The following TTN variants were observed in gnomAD, a reference collection of about 807,000 sequenced individuals.
The protein encoded by TTN is titin.
Under a neutral mutation model 3,223.0 loss-of-function variants are expected in TTN, and 1,525 were observed. The observed-to-expected ratio is 0.47, with a 90% confidence interval of 0.45 to 0.49. TTN has a LOEUF of 0.49. Among genes scored for constraint, TTN ranks in the 20% least tolerant of loss-of-function variants. The pLI is 0.00. For synonymous variants in TTN, 14,094 were observed against 15,161.0 expected (o/e 0.93, Z 5.17); for missense variants, 40,786 against 43,424.0 (o/e 0.94, Z 5.40).
Position 178,534,620 on chromosome 2 carries a change from A to T in TTN, c.101995T>A (p.Trp33999Arg). The T allele has an allele frequency of 6.2e-7, 1 of 1,613,780 alleles. No individual in the cohort carries two copies. The highest frequency in any genetic ancestry group is 8.5e-7 in the Non-Finnish European group (1 of 1,179,700). The change falls in exon 358 of 363, where the codon TGG becomes AGG. Residue 33999 changes from tryptophan to arginine, a missense_variant. By Grantham distance (101) the Trp-to-Arg change is moderately radical. Coordinates refer to ENST00000589042, the MANE Select transcript of TTN (RefSeq NM_001267550.2). ...ACATATACCAGTGTTCCAAGTGACCACATGTCTGTGGCTGTGCTGACAACA... is the reference window on the plus strand; with the variant it reads ...ACATATACCAGTGTTCCAAGTGACCTCATGTCTGTGGCTGTGCTGACAACA... ...HDVVSTATDM[W>R]SLGTLVYVLL...
At position 178,709,800 on chromosome 2, in the gene TTN, C is replaced by G; in HGVS notation, c.28519G>C (p.Glu9507Gln). 1.9e-6 allele frequency: 3 copies of G among 1,613,594 alleles called. No individual in the cohort carries two copies. Among genetic ancestry groups the G allele is most frequent in the Non-Finnish European group, 2.5e-6 (3 of 1,179,788 alleles). Residue 9507 changes from glutamate to glutamine, a missense_variant, in exon 99 of 363, where the codon GAA becomes CAA. Physicochemically the swap from Glu to Gln is conservative, Grantham distance 29. Coordinates refer to ENST00000589042, the MANE Select transcript of TTN (RefSeq NM_001267550.2). ...KRLSETVEET[E>Q]GNSFKLEGRV... ...CCCTCAAGTTTGAAAGAATTCCCTT[C>G]TGTTTCTTCTACTGTCTCTGAGAGT...
chr2:178,560,998 A>G lies in TTN; in HGVS notation c.85134T>C (p.Asn28378=). The part of the protein sequence containing the change: ...VVKAGEVLKI[N]ADIAGRPLPV... ...GCAGAGGTCGCCCTGCAATGTCTGC[A>G]TTTATCTTAAGGACCTCTCCAGCTT... Residue 28378 remains asparagine, a synonymous_variant, in exon 326 of 363, where the codon AAT becomes AAC. Transcript: ENST00000589042. 2 of 1,613,816 alleles carry G rather than the reference A, an allele frequency of 1.2e-6. No individual in the cohort carries two copies. Among genetic ancestry groups the G allele is most frequent in the Non-Finnish European group, 1.7e-6 (2 of 1,179,806 alleles).
Position 178,597,751 on chromosome 2 carries a change from G to A in TTN, c.57331C>T (p.Arg19111Ter), listed in dbSNP as rs72646831. 1.9e-6 allele frequency: 3 copies of A among 1,613,128 alleles called. No individual in the cohort carries two copies. Among genetic ancestry groups the A allele is most frequent in the Non-Finnish European group, 1.7e-6 (2 of 1,179,530 alleles). ...TTTCCAGACACATAGGCAATGATTC[G>A]GATCACCCCTCCAGCATGGACAACA... ...RIVVHAGGVI[R>*]IIAYVSGKPP... The change falls in exon 294 of 363, where the codon CGA becomes TGA. Residue 19111 changes from arginine to a stop codon, truncating the protein, a stop_gained. Coordinates refer to ENST00000589042, the MANE Select transcript of TTN (RefSeq NM_001267550.2). LOFTEE classifies it high-confidence loss of function.
rs749405835 is a variant in TTN at position 178,604,016 on chromosome 2, A to G, written c.54671T>C (p.Val18224Ala). The change falls in exon 282 of 363, where the codon GTG becomes GCG. Residue 18224 changes from valine to alanine, a missense_variant. Physicochemically the swap from Val to Ala is moderately conservative, Grantham distance 64. Coordinates refer to ENST00000589042, the MANE Select transcript of TTN (RefSeq NM_001267550.2). ...SRVSRAPITK[V>A]GLKGVEFNVP... ...ATTAAATTCCACGCCTTTCAATCCC[A>G]CTTTGGTTATTGGTGCTCGGCTAAC... 3.7e-6 allele frequency: 6 copies of G among 1,612,826 alleles called. No homozygotes were observed. The highest frequency in any genetic ancestry group is 5.1e-6 in the Non-Finnish European group (6 of 1,179,196).
Position 178,777,519 on chromosome 2 carries a change from T to A in TTN, c.4546A>T (p.Ile1516Phe). 6.2e-7 allele frequency: 1 copy of A among 1,613,904 alleles called. No homozygotes were observed. The highest frequency in any genetic ancestry group is 8.5e-7 in the Non-Finnish European group (1 of 1,179,932). Residue 1516 changes from isoleucine (I) to phenylalanine (F), a missense_variant, in exon 26 of 363, where the codon ATT (isoleucine) becomes TTT (phenylalanine). Physicochemically the swap from Ile to Phe is conservative, Grantham distance 21. Coordinates refer to ENST00000589042, the MANE Select transcript of TTN (RefSeq NM_001267550.2). ...TCACTGGGTGTGGCAGGGACAATAA[T>A]TAGTGATTGAGTACCATCTTCTTTA... Reference protein sequence around the residue: ...VIKEDGTQSLIIVPATPSDSG... With the variant: ...VIKEDGTQSLFIVPATPSDSG...
At position 178,718,769 on chromosome 2, in the gene TTN, T is replaced by C. The variant is rs16866465; in HGVS notation, c.24431A>G (p.Glu8144Gly). ...AACGAGGCAAGAATAGTCTCCACTT[T>C]CTAATGGCTGCACCTCAAACAACTC... ...ELELFEVQPLESGDYSCLVTN... is the reference protein window; with the variant it reads ...ELELFEVQPLGSGDYSCLVTN... The change falls in exon 84 of 363, where the codon GAA (glutamate) becomes GGA (glycine). Residue 8144 changes from glutamate to glycine, a missense_variant. Coordinates refer to ENST00000589042, the MANE Select transcript of TTN (RefSeq NM_001267550.2). 2.5e-6 allele frequency: 4 copies of C among 1,613,650 alleles called. No homozygotes were observed. In the East Asian group the frequency reaches 6.7e-5, roughly 27 times the overall value.
chr2:178,732,280 T>C lies in TTN; in HGVS notation c.16689A>G (p.Leu5563=). ...GAGGGGTACCAGTTACTTTGCAGGC[T>C]AGCTGGGTGGCATCTCCCTTCTTTA... ...QLLKKGDATQ[L]ACKVTGTPPI... is the part of the protein sequence containing the mutation. The change falls in exon 57 of 363, where the codon CTA becomes CTG. Residue 5563 remains leucine (L), a synonymous_variant. Transcript: ENST00000589042. The C allele has an allele frequency of 6.2e-7, 1 of 1,613,620 alleles. No homozygotes were observed. Among genetic ancestry groups the C allele is most frequent in the Middle Eastern group, 1.7e-4 (1 of 6,052 alleles).
Position 178,757,685 on chromosome 2 carries a change from A to G in TTN, c.10535T>C (p.Val3512Ala), listed in dbSNP as rs200918396. Residue 3512 changes from valine to alanine, a missense_variant, in exon 45 of 363, where the codon GTT becomes GCT. Physicochemically the swap from Val to Ala is moderately conservative, Grantham distance 64 (BLOSUM62 0). Transcript: ENST00000589042. ...QQLILPTKDVVFHFEESTGMA... is the reference protein window; with the variant it reads ...QQLILPTKDVAFHFEESTGMA... ...GCCTGTGGACTCCTCAAAATGGAAAACTACATCTTTTGTTGGTAGAATTAG... is the reference window on the plus strand; with the variant it reads ...GCCTGTGGACTCCTCAAAATGGAAAGCTACATCTTTTGTTGGTAGAATTAG... The G allele has an allele frequency of 1.6e-5, 26 of 1,613,686 alleles. No homozygotes were observed. In the African/African-American group the frequency reaches 3.3e-4, roughly 21 times the overall value.
Position 178,562,412 on chromosome 2 carries a change from C to A in TTN, c.83720G>T (p.Ser27907Ile). The A allele has an allele frequency of 3.1e-6, 5 of 1,612,214 alleles. No homozygotes were observed. Among genetic ancestry groups the A allele is most frequent in the Non-Finnish European group, 4.2e-6 (5 of 1,179,324 alleles). The change falls in exon 326 of 363, where the codon AGT becomes ATT. Residue 27907 changes from serine (S) to isoleucine (I), a missense_variant. Coordinates refer to ENST00000589042, the MANE Select transcript of TTN (RefSeq NM_001267550.2). ...GYVVEMQTKG[S>I]EKWSTCTQVK... ...TTGTGTGCAGGTGCTCCACTTTTCA[C>A]TCCCTTTAGTCTGCATTTCAACCAC... is the stretch of plus-strand genomic sequence containing the variant.
chr2:178,671,388 T>C (rs1472375186), intron 155 of TTN, among the ~76,000 whole-genome samples: 1 of 151,678 alleles, frequency 6.6e-6, no homozygotes, highest in African/African-American at 2.4e-5. Flanking sequence ...TCCTTCATAT[T>C]ACACATATAT....
In TTN at chr2:178,551,255, G is replaced by A. The variant is rs1431006105; in HGVS notation, c.91276C>T (p.Pro30426Ser). Reference protein sequence around the residue: ...FTLAVSPVDPPGTPDYIDVTR... With the variant: ...FTLAVSPVDPSGTPDYIDVTR... ...ACATCAATGTAGTCAGGAGTGCCAG[G>A]TGGGTCTAAAAAATTATAAGGAAGG... Residue 30426 changes from proline to serine, a missense_variant, in exon 336 of 363, where the codon CCT (proline) becomes TCT (serine). By Grantham distance (74) the Pro-to-Ser change is moderately conservative. Coordinates refer to ENST00000589042, the MANE Select transcript of TTN (RefSeq NM_001267550.2). The A allele has an allele frequency of 1.9e-6, 3 of 1,608,360 alleles. No homozygotes were observed. The highest frequency in any genetic ancestry group is 1.3e-5 in the African/African-American group (1 of 74,656).
In TTN at chr2:178,793,046, C is replaced by T. The variant is rs188427088; in HGVS notation, c.1536+358G>A. Among the ~76,000 whole-genome samples, 112 of 152,332 alleles carry T rather than the reference C, an allele frequency of 7.4e-4. 1 individual carries two copies. The highest frequency in any genetic ancestry group is 9.8e-4 in the Non-Finnish European group (67 of 68,028). Reference sequence around the variant, plus strand: ...TTCTAAAGCAAAGTGAGTTCAGTGTCTCCTCCACTTTTCCCCATTCCTGCC... The same window carrying T: ...TTCTAAAGCAAAGTGAGTTCAGTGTTTCCTCCACTTTTCCCCATTCCTGCC... On this transcript the variant is annotated intron_variant, in intron 9 of 362. Transcript: ENST00000589042.
intron 11 of TTN, 82 bp downstream of exon 11, chr2:178,790,626 A>T: frequency 6.2e-7 from 1 of 1,606,472 alleles, no homozygotes; most frequent in Non-Finnish European, 8.5e-7. Context: ...AGAAGTGATG[A>T]TTAAGATCCA....
intron 238 of TTN, 96 bp from the exon 239 acceptor site, chr2:178,630,463 T>A: frequency 3.6e-6 from 5 of 1,398,504 alleles, no homozygotes; most frequent in Non-Finnish European, 3.9e-6. Flanking sequence ...ATGCAACAAA[T>A]AAATGGTGAT....
Position 178,634,945 on chromosome 2 carries a change from C to A in TTN, c.42025-96G>T. ...AATTTCTATAGAGTTTTAAAAATTA[C>A]TACTAATAAAAGTAAGCAGAGAATT... On this transcript the variant is annotated intron_variant, in intron 228 of 362. Coordinates refer to ENST00000589042, the MANE Select transcript of TTN (RefSeq NM_001267550.2). The surrounding 1 kb of genome is among the most constrained non-coding windows in gnomAD (Gnocchi z 4.6). 1 of 1,435,970 alleles carries A rather than the reference C, an allele frequency of 7.0e-7. No homozygotes were observed. Among genetic ancestry groups the A allele is most frequent in the Non-Finnish European group, 9.2e-7 (1 of 1,082,776 alleles). 89.0% of individuals were successfully genotyped at this position (1,435,970 alleles called of 1,614,324 possible).
rs199707799 is a variant in TTN at position 178,784,051 on chromosome 2, C to T, written c.2775+19G>A. 43 of 1,611,894 alleles carry T rather than the reference C, an allele frequency of 2.7e-5. No homozygotes were observed. In the African/African-American group the frequency reaches 2.8e-4, roughly 11 times the overall value. Reference sequence around the variant, plus strand: ...TCAATGGGAGTGGACCATGTAACAGCGGGTAACCAGTGACCAACCTTGGCT... The same window carrying T: ...TCAATGGGAGTGGACCATGTAACAGTGGGTAACCAGTGACCAACCTTGGCT... On this transcript the variant is annotated intron_variant, in intron 16 of 362. Coordinates refer to ENST00000589042, the MANE Select transcript of TTN (RefSeq NM_001267550.2).
At chr2:178,594,823 T>C (rs750793728) in intron 295 of TTN, among the ~76,000 whole-genome samples, 177 bp from the exon 296 acceptor site, 2 of 152,086 alleles carry the variant, frequency 1.3e-5, no homozygotes, top group Non-Finnish European at 2.9e-5. Flanking sequence ...CCCAATACAA[T>C]TGAATTTCTT....
In TTN at chr2:178,664,008, C is replaced by G. The variant is rs1281237935; in HGVS notation, c.36364+7G>C. 6.2e-7 allele frequency: 1 copy of G among 1,613,022 alleles called. No homozygotes were observed. Among genetic ancestry groups the G allele is most frequent in the Non-Finnish European group, 8.5e-7 (1 of 1,179,664 alleles). On this transcript the variant is annotated splice_region_variant and intron_variant, in intron 169 of 362. Coordinates refer to ENST00000589042, the MANE Select transcript of TTN (RefSeq NM_001267550.2). ...GTCTTCTGAAGCCTAAAGTCAGTGA[C>G]AAATACCTTTAACAGGTGGGACTTC... is the stretch of plus-strand genomic sequence containing the variant.
intron 219 of TTN, chr2:178,641,534 C>A: frequency 3.0e-6 from 1 of 333,026 alleles, no homozygotes; most frequent in Non-Finnish European, 5.4e-6. Context: ...TACTTTGTTT[C>A]TATCTAGATA....
Sources: allele counts gnomAD v4.1 joint callset (sites outside exome capture counted in the v4.1 genomes callset), GRCh38; gene constraint gnomAD v4.1.1; non-coding constraint Gnocchi (gnomAD v3.1); transcripts MANE v1.5; gene names NCBI Gene and HGNC (gene_info 2026-07-23, HGNC 2026-07-21).